Variants in DPP6 observed in about 807,000 individuals in gnomAD.
The protein encoded by DPP6 is dipeptidyl peptidase like 6, also known as A-type potassium channel modulatory protein DPP6.
In DPP6, 69 loss-of-function variants were observed where a neutral mutation model predicts 122.6. The observed-to-expected ratio is 0.56, with a 90% confidence interval of 0.46 to 0.69. The LOEUF is 0.69. DPP6 is among the 30% of genes least tolerant of loss of function. The pLI, the probability that DPP6 is intolerant of heterozygous loss-of-function variation, is 0.00. For synonymous variants in DPP6, 418 were observed against 433.1 expected, an observed-to-expected ratio of 0.97 and a Z score of 0.43; for missense variants, 928 against 1,116.9, an observed-to-expected ratio of 0.83 and a Z score of 2.41.
chr7:154,299,607 T>C (rs901518674), intron 1 of DPP6, among the ~76,000 whole-genome samples: 1 of 152,204 alleles, frequency 6.6e-6, no homozygotes, highest in Non-Finnish European at 1.5e-5. Context: ...TTCATTTTTA[T>C]TTTTAGGGGA....
rs77253181 is a variant in DPP6 at position 154,063,200 on chromosome 7, T to C, written c.243+10137T>C. Among the ~76,000 whole-genome samples, 5 of 66,172 alleles carry C rather than the reference T, an allele frequency of 7.6e-5. 2 individuals carry two copies. The highest frequency in any genetic ancestry group is 1.5e-4 in the Non-Finnish European group (5 of 33,618). 43.4% of individuals were successfully genotyped at this position (66,172 alleles called of 152,430 possible). A position where few individuals can be genotyped will look rare whatever the true frequency, so the allele number is the denominator to read the frequency against. On this transcript the variant is annotated intron_variant, in intron 1 of 25. Transcript: ENST00000377770. Reference sequence around the variant, plus strand: ...GCTGTTAGTACCCCCATCGCAGGGTTGGGGAGGCACCCCCCCGCGAGGCAG... The same window carrying C: ...GCTGTTAGTACCCCCATCGCAGGGTCGGGGAGGCACCCCCCCGCGAGGCAG...
chr7:154,132,360 C>CA (rs1263903510), intron 1 of DPP6, among the ~76,000 whole-genome samples: 1 of 152,170 alleles, frequency 6.6e-6, no homozygotes, highest in Non-Finnish European at 1.5e-5. Flanking sequence ...ACCCAATATG[C>CA]AATTCAGCTT....
At chr7:154,638,429 G>A (rs1022223515) in intron 6 of DPP6, among the ~76,000 whole-genome samples, 4 of 152,196 alleles carry the variant, frequency 2.6e-5, no homozygotes, top group African/African-American at 9.7e-5. Context: ...GGGGGTTTCA[G>A]CGGCGTGTTG....
the DPP6 span, among the ~76,000 whole-genome samples, chr7:153,803,866 C>A: frequency 1.3e-5 from 2 of 150,160 alleles, no homozygotes; most frequent in Non-Finnish European, 2.9e-5. Context: ...TATATATATA[C>A]ACACAAGGAT....
At chr7:154,775,869 C>T (rs1046670086) in intron 10 of DPP6, among the ~76,000 whole-genome samples, 1 of 152,216 alleles carries the variant, frequency 6.6e-6, no homozygotes, top group Non-Finnish European at 1.5e-5. Context: ...TTGTCTACAC[C>T]TGCTCCCTGC....
At chr7:154,588,272 A>G (rs903646710) in intron 5 of DPP6, 3 of 984,872 alleles carry the variant, frequency 3.0e-6, no homozygotes, top group African/African-American at 1.6e-5. Flanking sequence ...TCAGAGATGC[A>G]GCAATGGACC....
chr7:154,804,941 G>T lies in DPP6; in HGVS notation c.1524G>T (p.Leu508=), dbSNP rs541582595. The stretch of plus-strand genomic sequence containing the variant: ...GCTACTTCCTGAGCACGGAGGACCT[G>T]CCTCGGAGACGACAACTCTACAGGT... ...NKIYFLSTED[L]PRRRQLYSAN... is the part of the protein sequence containing the mutation. Residue 508 remains leucine, a synonymous_variant, in exon 15 of 26, where the codon CTG becomes CTT. Coordinates refer to ENST00000377770, the MANE Select transcript of DPP6 (RefSeq NM_130797.4). 1.2e-6 allele frequency: 2 copies of T among 1,602,342 alleles called. No individual in the cohort carries two copies. Among genetic ancestry groups the T allele is most frequent in the Admixed American group, 1.7e-5 (1 of 58,660 alleles).
intron 1 of DPP6, among the ~76,000 whole-genome samples, chr7:154,286,318 G>A (rs988012205): frequency 1.3e-5 from 2 of 152,120 alleles, no homozygotes; most frequent in African/African-American, 4.8e-5. Context: ...AGATCATTTT[G>A]TGGCACTGAA....
intron 7 of DPP6, among the ~76,000 whole-genome samples, chr7:154,692,771 TTC>T (rs899797900): frequency 3.5e-5 from 5 of 144,452 alleles, no homozygotes; most frequent in Admixed American, 2.7e-4. Flanking sequence ...AAAACTATTA[TTC>T]TCTCTCTCTT....
intron 2 of DPP6, among the ~76,000 whole-genome samples, chr7:154,467,735 C>G (rs1265645896): frequency 1.3e-5 from 2 of 152,194 alleles, no homozygotes; most frequent in African/African-American, 4.8e-5. Context: ...GATATAAATT[C>G]TTAAGAATCT....
the DPP6 span, among the ~76,000 whole-genome samples, chr7:153,825,139 G>C: frequency 6.6e-6 from 1 of 152,122 alleles, no homozygotes; most frequent in Admixed American, 6.5e-5. Flanking sequence ...TAAACCTCAA[G>C]GTCCTAAATT....
chr7:154,062,122 C>G (rs1450297565), intron 1 of DPP6, among the ~76,000 whole-genome samples: 1 of 98,968 alleles, frequency 1.0e-5, no homozygotes, highest in Non-Finnish European at 2.2e-5. Flanking sequence ...CCCCGCGAGG[C>G]GGGGACTGAG....
chr7:154,260,278 G>A (rs6464394), intron 1 of DPP6, among the ~76,000 whole-genome samples: 2,072 of 152,218 alleles, frequency 0.014, 40 homozygotes, highest in African/African-American at 0.046. Flanking sequence ...TGTTGTGATC[G>A]GATTCACTTT....
In DPP6 at chr7:154,892,928, T is replaced by C. The variant is rs2150711484; in HGVS notation, c.*448T>C. The C allele has an allele frequency of 1.9e-6, 1 of 522,224 alleles. No individual in the cohort carries two copies. Among genetic ancestry groups the C allele is most frequent in the East Asian group, 5.4e-5 (1 of 18,502 alleles). The allele number at this position is 522,224 out of a possible 1,614,324, so 32.3% of individuals were successfully genotyped here. On this transcript the variant is annotated 3_prime_UTR_variant, in exon 26 of 26. Transcript: ENST00000377770. ...GTCGCAGTGCCATGGACGCAGCAGT[T>C]ACAGCACCATTGTTTTAGCAGTGCG...
chr7:154,170,893 G>C (rs915202448), intron 1 of DPP6, among the ~76,000 whole-genome samples: 3 of 152,182 alleles, frequency 2.0e-5, no homozygotes, highest in African/African-American at 7.2e-5. Flanking sequence ...GGTCTTCCCA[G>C]TGTGACTGGA....
exon 1 of DPP6, chr7:153,887,695 G>A (rs748265102): frequency 5.0e-6 from 8 of 1,613,844 alleles, no homozygotes; most frequent in Non-Finnish European, 5.9e-6. Context: ...TGAAGGAAAA[G>A]GCCATGATCA....
intron 1 of DPP6, among the ~76,000 whole-genome samples, chr7:154,027,601 A>G (rs1799009456): frequency 6.6e-6 from 1 of 152,046 alleles, no homozygotes; most frequent in Non-Finnish European, 1.5e-5. Context: ...GAAAAATTTC[A>G]AAGTATGAAT....
intron 1 of DPP6, among the ~76,000 whole-genome samples, chr7:154,262,173 G>T (rs1385307570): frequency 6.6e-6 from 1 of 152,176 alleles, no homozygotes; most frequent in Non-Finnish European, 1.5e-5. Context: ...CCCCAGAACT[G>T]AGTAGATGGA....
At chr7:154,015,922 C>G (rs1344153278) in intron 1 of DPP6, among the ~76,000 whole-genome samples, 2 of 152,188 alleles carry the variant, frequency 1.3e-5, no homozygotes, top group African/African-American at 4.8e-5. Flanking sequence ...ACATCTCAGA[C>G]CGAAGCTCCT....
Sources: gnomAD v4.1 joint callset for allele counts (sites outside exome capture counted in the v4.1 genomes callset) on GRCh38, gnomAD v4.1.1 for gene constraint, MANE v1.5 for transcripts, NCBI Gene and HGNC (gene_info 2026-07-23, HGNC 2026-07-21) for gene names.